Variants in FAAH2 observed in about 807,000 individuals in gnomAD.
FAAH2 encodes the protein fatty acid amide hydrolase 2.
A neutral mutation model predicts 36.9 loss-of-function variants in FAAH2; 60 were observed. That is an observed-to-expected ratio of 1.63 (90% CI 1.32 to 2.02). FAAH2 has a LOEUF of 2.02. Ranked by LOEUF, FAAH2 falls within the 30% of genes most tolerant of loss-of-function variation. The pLI is 0.00. For missense variants in FAAH2, 689 were observed against 397.5 expected, an observed-to-expected ratio of 1.73 and a Z score of -6.23; for synonymous variants, 214 against 143.8, an observed-to-expected ratio of 1.49 and a Z score of -3.49.
the FAAH2 span, among the ~76,000 whole-genome samples, chrX:57,255,940 A>G: frequency 8.9e-6 from 1 of 111,915 alleles, no homozygotes; most frequent in Admixed American, 9.5e-5. Flanking sequence ...ATCAGTCAAG[A>G]GAAAGCAATA....
At chrX:57,166,270 G>T in the FAAH2 span, among the ~76,000 whole-genome samples, 1 of 111,295 alleles carries the variant, frequency 9.0e-6, no homozygotes, top group Non-Finnish European at 1.9e-5. Context: ...GCCCATGTGG[G>T]ATCCGATTTT....
the FAAH2 span, among the ~76,000 whole-genome samples, chrX:57,233,999 C>T: frequency 4.4e-5 from 5 of 112,441 alleles, no homozygotes; most frequent in Non-Finnish European, 9.4e-5. Context: ...TGTGGGGTTG[C>T]TAGGTAAATA....
chrX:57,322,128 G>C lies in FAAH2; in HGVS notation c.413-9470G>C, dbSNP rs770605787. 3.6e-5 allele frequency among the ~76,000 whole-genome samples: 4 copies of C among 110,082 alleles called. No homozygotes were observed. In the East Asian group the frequency reaches 1.1e-3, roughly 32 times the overall value. On this transcript the variant is annotated intron_variant, in intron 3 of 10. Coordinates refer to ENST00000374900, the MANE Select transcript of FAAH2 (RefSeq NM_174912.4). ...CGCCGTTCTCCTGCCTCAGCCTCTT[G>C]AGTAGCTGAGACTACAGGCATCCGC...
intron 10 of FAAH2, among the ~76,000 whole-genome samples, chrX:57,482,604 G>A (rs1016982299): frequency 1.8e-5 from 2 of 108,998 alleles, no homozygotes; most frequent in Non-Finnish European, 3.8e-5. Flanking sequence ...GATGAACTGG[G>A]TACCTCAGTT....
intron 5 of FAAH2, among the ~76,000 whole-genome samples, chrX:57,364,218 G>A (rs192739152): frequency 9.2e-6 from 1 of 108,846 alleles, no homozygotes; most frequent in Non-Finnish European, 1.9e-5. Flanking sequence ...TTAAATTACT[G>A]ATTTAATTTT....
rs2052731680 is a variant in FAAH2, at chrX:57,312,785, T to C, written c.412+2056T>C. Among the ~76,000 whole-genome samples the C allele has an allele frequency of 3.6e-5, 4 of 111,475 alleles. No individual in the cohort carries two copies. The Admixed American group carries it at 3.9e-4, about 11-fold the overall frequency. On this transcript the variant is annotated intron_variant, in intron 3 of 10. Coordinates refer to ENST00000374900, the MANE Select transcript of FAAH2 (RefSeq NM_174912.4). ...TTACAGAAATACCAATCCTCAAATA[T>C]TAGAATAAATCAGTGCAAGAACTCT... is the stretch of plus-strand genomic sequence containing the variant.
At chrX:57,200,336 G>A in the FAAH2 span, among the ~76,000 whole-genome samples, 823 of 106,022 alleles carry the variant, frequency 7.8e-3, 5 homozygotes, top group Non-Finnish European at 0.013. Context: ...AATAAGCAAG[G>A]AAAAAAATAA....
chrX:57,294,027 C>T (rs1004988865), intron 2 of FAAH2, among the ~76,000 whole-genome samples: 1 of 112,075 alleles, frequency 8.9e-6, no homozygotes, highest in African/African-American at 3.2e-5. Context: ...CTGTAAAGGG[C>T]CCCCAAATGG....
intron 5 of FAAH2, among the ~76,000 whole-genome samples, chrX:57,359,543 A>G (rs748693456): frequency 8.1e-5 from 9 of 111,718 alleles, no homozygotes; most frequent in Non-Finnish European, 1.7e-4. Flanking sequence ...TATATATTTT[A>G]GCTGACAACA....
intron 6 of FAAH2, among the ~76,000 whole-genome samples, chrX:57,380,677 A>T (rs1194615107): frequency 8.9e-6 from 1 of 112,192 alleles, no homozygotes; most frequent in African/African-American, 3.2e-5. Flanking sequence ...CCACCAAAAC[A>T]TTTTGACTTG....
At chrX:57,162,680 C>T in the FAAH2 span, among the ~76,000 whole-genome samples, 3,503 of 112,053 alleles carry the variant, frequency 0.031, 115 homozygotes, top group African/African-American at 0.11. Flanking sequence ...GCATTCTTCA[C>T]GTAGTTCTTG....
At chrX:57,463,646 GA>G (rs1006681670) in intron 10 of FAAH2, among the ~76,000 whole-genome samples, 7 of 111,349 alleles carry the variant, frequency 6.3e-5, no homozygotes, top group Non-Finnish European at 1.1e-4. Context: ...CAACAAACAT[GA>G]AAAAAAGCTC....
chrX:57,201,120 C>T, the FAAH2 span, among the ~76,000 whole-genome samples: 19 of 102,385 alleles, frequency 1.9e-4, no homozygotes, highest in Admixed American at 1.7e-3. Context: ...GTAAGGTTTT[C>T]ACTTAAAAGT....
At chrX:57,227,603 G>T in the FAAH2 span, among the ~76,000 whole-genome samples, 1 of 111,599 alleles carries the variant, frequency 9.0e-6, no homozygotes, top group African/African-American at 3.3e-5. Context: ...TGGTATAATG[G>T]CCTATTTTTG....
intron 7 of FAAH2, among the ~76,000 whole-genome samples, chrX:57,428,942 A>T (rs1191382402): frequency 8.9e-6 from 1 of 111,911 alleles, no homozygotes; most frequent in Non-Finnish European, 1.9e-5. Flanking sequence ...AAATAAACAG[A>T]CAACGTGCAG....
the FAAH2 span, among the ~76,000 whole-genome samples, chrX:57,165,223 A>G: frequency 8.9e-6 from 1 of 112,146 alleles, no homozygotes; most frequent in Non-Finnish European, 1.9e-5. Flanking sequence ...TCATGCTGCT[A>G]TAAAGACACA....
chrX:57,259,731 T>A, the FAAH2 span, among the ~76,000 whole-genome samples: 5 of 111,997 alleles, frequency 4.5e-5, no homozygotes, highest in African/African-American at 1.3e-4. Flanking sequence ...GATATATTAA[T>A]TAGCTTGATT....
intron 10 of FAAH2, among the ~76,000 whole-genome samples, chrX:57,468,343 C>T (rs1402368305): frequency 9.0e-6 from 1 of 111,260 alleles, no homozygotes; most frequent in African/African-American, 3.3e-5. Flanking sequence ...AAGTTAAAAA[C>T]GTTGAAAAAA....
intron 10 of FAAH2, among the ~76,000 whole-genome samples, chrX:57,468,094 CT>C (rs907530257): frequency 1.8e-5 from 2 of 111,683 alleles, no homozygotes; most frequent in Non-Finnish European, 3.8e-5. Flanking sequence ...AAAAATCCAT[CT>C]GTTGGTCACC....
Sources: allele counts gnomAD v4.1 joint callset (sites outside exome capture counted in the v4.1 genomes callset), GRCh38; gene constraint gnomAD v4.1.1; transcripts MANE v1.5; gene names NCBI Gene and HGNC (gene_info 2026-07-23, HGNC 2026-07-21).